SEL1L: variants seen among roughly 807,000 people sequenced by gnomAD.
The protein encoded by SEL1L is protein sel-1 homolog 1.
A neutral mutation model predicts 109.8 loss-of-function variants in SEL1L; 52 were observed. The ratio of observed to expected loss-of-function variants is 0.47; its 90% CI spans 0.38 to 0.60. SEL1L has a LOEUF of 0.60. Among genes scored for constraint, SEL1L ranks in the 20% least tolerant of loss-of-function variants. The pLI is 0.00. For synonymous variants in SEL1L, 373 were observed against 339.6 expected (o/e 1.10, Z -1.08); for missense variants, 749 against 962.2 (o/e 0.78, Z 2.93).
chr14:81,477,128 C>T lies in SEL1L; in HGVS notation c.2229G>A (p.Trp743Ter). Residue 743 changes from tryptophan (W) to a stop codon, truncating the protein, a stop_gained, in exon 21 of 21, where the codon TGG becomes TGA. Transcript: ENST00000336735. LOFTEE classifies it high-confidence loss of function. ...CAATGATGGTCATGAGGTAAAGGTC[C>T]CACTCAGGTCCCAAAAGCTGGTCCA... Reference protein sequence around the residue: ...LDMDQLLGPEWDLYLMTIIAL... With the variant: ...LDMDQLLGPE 6.2e-7 allele frequency: 1 copy of T among 1,614,102 alleles called. No individual in the cohort carries two copies. The highest frequency in any genetic ancestry group is 8.5e-7 in the Non-Finnish European group (1 of 1,180,030).
chr14:81,510,568 T>C (rs894987807), intron 3 of SEL1L, among the ~76,000 whole-genome samples: 1 of 151,444 alleles, frequency 6.6e-6, no homozygotes, highest in South Asian at 2.1e-4. Context: ...CACATCTTTT[T>C]CTCACTTTAA....
chr14:81,480,828 G>C (rs1007467705), intron 19 of SEL1L, among the ~76,000 whole-genome samples: 13 of 152,202 alleles, frequency 8.5e-5, no homozygotes, highest in African/African-American at 2.4e-4. Flanking sequence ...GATCTGCTGA[G>C]AATAGGCCTG....
intron 6 of SEL1L, 35 bp downstream of exon 6, chr14:81,502,686 C>T: frequency 6.3e-7 from 1 of 1,599,040 alleles, no homozygotes; most frequent in Non-Finnish European, 8.5e-7. Flanking sequence ...ACAAGTGTTA[C>T]ATGCAGAGAG....
chr14:81,514,405 G>A (rs538119857), intron 3 of SEL1L, among the ~76,000 whole-genome samples: 7 of 152,274 alleles, frequency 4.6e-5, no homozygotes, highest in Admixed American at 1.3e-4. Flanking sequence ...TAGGACATGG[G>A]TAAAATCCCA....
intron 4 of SEL1L, 77 bp from the exon 5 acceptor site, chr14:81,504,383 G>T: frequency 9.7e-7 from 1 of 1,028,870 alleles, no homozygotes; most frequent in South Asian, 2.0e-5. Flanking sequence ...CTTTCTTTTG[G>T]GCAGTCATAC....
intron 1 of SEL1L, among the ~76,000 whole-genome samples, chr14:81,530,442 G>A (rs770158763): frequency 5.3e-5 from 8 of 152,050 alleles, no homozygotes; most frequent in South Asian, 2.1e-4. Flanking sequence ...TTTAAGGAAC[G>A]ACCAAAACAG....
intron 20 of SEL1L, among the ~76,000 whole-genome samples, chr14:81,478,110 TTC>T (rs1347627685): frequency 6.6e-6 from 1 of 152,232 alleles, no homozygotes; most frequent in Non-Finnish European, 1.5e-5. Flanking sequence ...CACTGATACT[TTC>T]TGACTTTTAT....
At position 81,504,285 on chromosome 14, in the gene SEL1L, C is replaced by T. The variant is rs773938998; in HGVS notation, c.530G>A (p.Arg177Lys). ...CATTTCTGCTTCCTGCATCTGCCGT[C>T]TCTTAGCAGCCTCTTCTTCAGCTAA... is the stretch of plus-strand genomic sequence containing the variant. ...FCETEEEAAK[R>K]RQMQEAEMMY... Residue 177 changes from arginine (R) to lysine (K), a missense_variant, in exon 5 of 21, where the codon AGA (arginine) becomes AAA (lysine). Around this residue, in one of 2 missense-constraint regions of SEL1L, gnomAD observed 366 missense variants for 399.8 expected, o/e 0.92. Transcript: ENST00000336735. 7 of 1,597,340 alleles carry T rather than the reference C, an allele frequency of 4.4e-6. No homozygotes were observed. The highest frequency in any genetic ancestry group is 6.0e-6 in the Non-Finnish European group (7 of 1,172,346).
chr14:81,520,767 T>C (rs1460458268), intron 3 of SEL1L, among the ~76,000 whole-genome samples: 2 of 152,244 alleles, frequency 1.3e-5, no homozygotes, highest in Non-Finnish European at 2.9e-5. Context: ...TCTGTCTACA[T>C]TGCTCATTAT....
rs371751716 is a variant in SEL1L, at chr14:81,493,205, C to A, written c.1186-657G>T. On this transcript the variant is annotated intron_variant, in intron 11 of 20. Transcript: ENST00000336735. ...TTCCCCCTCAATCACATTCTATAAT[C>A]TCATCATCAAAAAATAAAACTCAGC... Among the ~76,000 whole-genome samples, 330 of 152,152 alleles carry A rather than the reference C, an allele frequency of 2.2e-3. 2 individuals carry two copies. The Middle Eastern group carries it at 0.037, about 17-fold the overall frequency.
chr14:81,505,084 A>G (rs1161383491), intron 4 of SEL1L, among the ~76,000 whole-genome samples: 1 of 152,222 alleles, frequency 6.6e-6, no homozygotes, highest in East Asian at 1.9e-4. Context: ...AATAAGGTCA[A>G]GACATACGAA....
chr14:81,487,969 G>A, intron 14 of SEL1L, 27 bp from the exon 15 acceptor site: 1 of 1,561,758 alleles, frequency 6.4e-7, no homozygotes, highest in South Asian at 1.1e-5. Flanking sequence ...CATATGATGA[G>A]AAAGCTCAAA....
intron 19 of SEL1L, among the ~76,000 whole-genome samples, chr14:81,480,258 G>A (rs912181080): frequency 2.8e-4 from 42 of 151,948 alleles, no homozygotes; most frequent in African/African-American, 7.7e-4. Context: ...GCGCGATCTC[G>A]GCTCACTGCA....
At chr14:81,507,790 G>A (rs2140027832) in intron 3 of SEL1L, among the ~76,000 whole-genome samples, 1 of 152,274 alleles carries the variant, frequency 6.6e-6, no homozygotes, top group Non-Finnish European at 1.5e-5. Flanking sequence ...GTACACAGTA[G>A]GTATGAGCCC....
Position 81,480,239 on chromosome 14 carries a change from A to G in SEL1L, c.2047-499T>C, listed in dbSNP as rs1175168434. On this transcript the variant is annotated intron_variant, in intron 19 of 20. Transcript: ENST00000336735. ...AGAGTCTTGCTGTCACCCAGGCTGG[A>G]GTGCAGTGGCGCGATCTCGGCTCAC... Among the ~76,000 whole-genome samples the G allele has an allele frequency of 3.9e-5, 6 of 151,984 alleles. No homozygotes were observed. In the East Asian group the frequency reaches 1.2e-3, roughly 30 times the overall value.
chr14:81,478,848 A>G (rs1332710487), intron 20 of SEL1L, among the ~76,000 whole-genome samples: 2 of 152,174 alleles, frequency 1.3e-5, no homozygotes, highest in East Asian at 1.9e-4. Flanking sequence ...CTAAAACTGA[A>G]AGACATTAAC....
chr14:81,477,102 G>A lies in SEL1L; in HGVS notation c.2255C>T (p.Ala752Val), dbSNP rs141918133. Reference protein sequence around the residue: ...EWDLYLMTIIALLLGTVIAYR... With the variant: ...EWDLYLMTIIVLLLGTVIAYR... Reference sequence around the variant, plus strand: ...AGCTATGACTGTTCCCAACAGCAGCGCAATGATGGTCATGAGGTAAAGGTC... The same window carrying A: ...AGCTATGACTGTTCCCAACAGCAGCACAATGATGGTCATGAGGTAAAGGTC... Residue 752 changes from alanine to valine, a missense_variant, in exon 21 of 21, where the codon GCG (alanine) becomes GTG (valine). Transcript: ENST00000336735. 6 of 1,614,012 alleles carry A rather than the reference G, an allele frequency of 3.7e-6. No homozygotes were observed. The African/African-American group carries it at 5.3e-5, about 14-fold the overall frequency.
intron 13 of SEL1L, 101 bp from the exon 14 acceptor site, chr14:81,489,415 A>T (rs760370061): frequency 1.7e-4 from 158 of 943,898 alleles, no homozygotes; most frequent in Non-Finnish European, 2.5e-4. Flanking sequence ...CATATTCAAA[A>T]ACATGTCTTA....
At chr14:81,504,336 T>C (rs1381175263) in intron 4 of SEL1L, 30 bp from the exon 5 acceptor site, 2 of 1,459,230 alleles carry the variant, frequency 1.4e-6, no homozygotes, top group South Asian at 2.6e-5. Flanking sequence ...TGCATTTAAA[T>C]GGATTTTAAT....
Sources: gnomAD v4.1 joint callset for allele counts (sites outside exome capture counted in the v4.1 genomes callset) on GRCh38, gnomAD v4.1.1 for gene constraint, gnomAD v4.1.1 regional missense constraint, MANE v1.5 for transcripts, NCBI Gene and HGNC (gene_info 2026-07-23, HGNC 2026-07-21) for gene names.